CA6: variants seen among roughly 807,000 people sequenced by gnomAD.
The protein encoded by CA6 is carbonic anhydrase 6, also known as carbonate dehydratase VI.
Under a neutral mutation model 35.9 loss-of-function variants are expected in CA6, and 28 were observed. The observed-to-expected ratio is 0.78, with a 90% confidence interval of 0.58 to 1.07. CA6 has a LOEUF of 1.07. CA6 is among the 50% of genes least tolerant of loss of function. The pLI is 0.00. For synonymous variants in CA6, 148 were observed against 152.6 expected, an observed-to-expected ratio of 0.97 and a Z score of 0.22; for missense variants, 377 against 382.0, an observed-to-expected ratio of 0.99 and a Z score of 0.11.
At chr1:8,946,285 A>T (rs1639361944) in intron 1 of CA6, among the ~76,000 whole-genome samples, 1 of 151,990 alleles carries the variant, frequency 6.6e-6, no homozygotes, top group Non-Finnish European at 1.5e-5. Context: ...TGATCTGCCC[A>T]TCTCCCAAAG....
At chr1:8,965,289 T>C (rs547231920) in intron 5 of CA6, among the ~76,000 whole-genome samples, 7 of 152,232 alleles carry the variant, frequency 4.6e-5, no homozygotes, top group Middle Eastern at 3.4e-3. Context: ...CCATTTTAAA[T>C]GTACAGTTCA....
In CA6 at chr1:8,963,235, C is replaced by T. The variant is rs1017102534; in HGVS notation, c.571+579C>T. 6.6e-6 allele frequency among the ~76,000 whole-genome samples: 1 copy of T among 152,180 alleles called. No individual in the cohort carries two copies. Among genetic ancestry groups the T allele is most frequent in the African/African-American group, 2.4e-5 (1 of 41,432 alleles). On this transcript the variant is annotated intron_variant, in intron 5 of 7. Coordinates refer to ENST00000377443, the MANE Select transcript of CA6 (RefSeq NM_001215.4). This position sits in a 1 kb window ranked among gnomAD's most constrained non-coding sequence, Gnocchi z 4.1. ...GCCTCCCAGTCCTCTGACTTCAGCA[C>T]CCAGCCCCTCCTGCAATTCACCTGA...
Position 8,974,360 on chromosome 1 carries a change from G to C in CA6, c.845-262G>C, listed in dbSNP as rs769496436. The C allele has an allele frequency of 7.2e-6, 11 of 1,524,376 alleles. No individual in the cohort carries two copies. The East Asian group carries it at 1.7e-4, about 24-fold the overall frequency. The allele number at this position is 1,524,376 out of a possible 1,614,324, so 94.4% of individuals were successfully genotyped here. On this transcript the variant is annotated intron_variant, in intron 7 of 7. Coordinates refer to ENST00000377443, the MANE Select transcript of CA6 (RefSeq NM_001215.4). ...ATATCCCCTCAGGCAAGGGCCACGGGGGGCATCGTGGGAGAAGCCAAAATC... is the reference window on the plus strand; with the variant it reads ...ATATCCCCTCAGGCAAGGGCCACGGCGGGCATCGTGGGAGAAGCCAAAATC...
chr1:8,974,311 C>A lies in CA6; in HGVS notation c.845-311C>A, dbSNP rs184177635. On this transcript the variant is annotated intron_variant, in intron 7 of 7. Coordinates refer to ENST00000377443, the MANE Select transcript of CA6 (RefSeq NM_001215.4). ...ACGATGGCCAAATACGGACCTCTTG[C>A]GATTTATTTACTAGAAAACGCCTAT... 2.2e-6 allele frequency: 3 copies of A among 1,340,806 alleles called. No homozygotes were observed. The East Asian group carries it at 7.9e-5, about 35-fold the overall frequency. The allele number at this position is 1,340,806 out of a possible 1,614,324, so 83.1% of individuals were successfully genotyped here.
At chr1:8,965,008 C>T (rs1374102129) in intron 5 of CA6, among the ~76,000 whole-genome samples, 2 of 152,060 alleles carry the variant, frequency 1.3e-5, no homozygotes, top group African/African-American at 2.4e-5. Context: ...CTTTGGGAGG[C>T]GGAGGCGGGC....
intron 2 of CA6, among the ~76,000 whole-genome samples, chr1:8,953,473 G>A (rs1036575885): frequency 6.6e-6 from 1 of 152,120 alleles, no homozygotes; most frequent in African/African-American, 2.4e-5. Context: ...AAAAAAATTA[G>A]CCTGGCATGG....
intron 2 of CA6, among the ~76,000 whole-genome samples, chr1:8,953,741 G>A (rs142003516): frequency 0.013 from 1,907 of 152,296 alleles, 18 homozygotes; most frequent in Middle Eastern, 0.061. Context: ...TGTCAGAGGC[G>A]TTTGAACCAG....
chr1:8,960,560 A>G lies in CA6; in HGVS notation c.501+1558A>G, dbSNP rs563350102. Among the ~76,000 whole-genome samples the G allele has an allele frequency of 4.6e-5, 7 of 152,262 alleles. No individual in the cohort carries two copies. In the South Asian group the frequency reaches 6.2e-4, roughly 14 times the overall value. ...TGGAAAGTCTAGAGTTGAAAAGTAC[A>G]ATAAACAAAATGGAAAAAGAATCAC... On this transcript the variant is annotated intron_variant, in intron 4 of 7. Coordinates refer to ENST00000377443, the MANE Select transcript of CA6 (RefSeq NM_001215.4).
Position 8,965,465 on chromosome 1 carries a change from T to C in CA6, c.572-2194T>C, listed in dbSNP as rs139249702. ...GTTTCTGTCTCTAAGAATTTGACTA[T>C]TCTAGGTACCTCATATAAGTAGAAT... On this transcript the variant is annotated intron_variant, in intron 5 of 7. Transcript: ENST00000377443. Among the ~76,000 whole-genome samples the C allele has an allele frequency of 9.3e-3, 1,422 of 152,306 alleles. 21 individuals are homozygous for C. Among genetic ancestry groups the C allele is most frequent in the African/African-American group, 0.032 (1,335 of 41,556 alleles).
At chr1:8,946,714 C>A (rs1412404577) in intron 1 of CA6, among the ~76,000 whole-genome samples, 1 of 151,558 alleles carries the variant, frequency 6.6e-6, no homozygotes, top group Non-Finnish European at 1.5e-5. Context: ...TTGGAAATTT[C>A]ATGGTAGGCA....
rs777077226 is a variant in CA6, at chr1:8,960,459, T to C, written c.501+1457T>C. ...ATGAAAGGAAACTATGTTCAAAGAA[T>C]TGAAGGAAAATATGATGACAATGAC... On this transcript the variant is annotated intron_variant, in intron 4 of 7. Coordinates refer to ENST00000377443, the MANE Select transcript of CA6 (RefSeq NM_001215.4). Among the ~76,000 whole-genome samples the C allele has an allele frequency of 2.4e-4, 36 of 147,592 alleles. 1 individual carries two copies. In the South Asian group the frequency reaches 2.6e-3, roughly 11 times the overall value.
intron 7 of CA6, among the ~76,000 whole-genome samples, chr1:8,973,240 G>A (rs1640154227): frequency 6.6e-6 from 1 of 152,154 alleles, no homozygotes; most frequent in African/African-American, 2.4e-5. Context: ...GGCTGGTCTT[G>A]AACTCCTGAC....
intron 4 of CA6, among the ~76,000 whole-genome samples, chr1:8,961,413 A>G (rs1266726960): frequency 6.6e-6 from 1 of 152,220 alleles, no homozygotes; most frequent in Non-Finnish European, 1.5e-5. Flanking sequence ...ATATGACAAA[A>G]ATAGAAGGAT....
intron 3 of CA6, among the ~76,000 whole-genome samples, chr1:8,957,835 A>G (rs1639731733): frequency 6.6e-6 from 1 of 151,186 alleles, no homozygotes; most frequent in Non-Finnish European, 1.5e-5. Context: ...GTACACGCCT[A>G]TAGTTCCAGC....
chr1:8,955,323 C>G (rs1383375850), intron 2 of CA6, among the ~76,000 whole-genome samples: 2 of 152,092 alleles, frequency 1.3e-5, no homozygotes, highest in African/African-American at 4.8e-5. Flanking sequence ...CTGCAGTGAG[C>G]TGAGGTCATG....
chr1:8,952,382 C>T (rs1639563066), intron 2 of CA6: 1 of 152,060 alleles, frequency 6.6e-6, no homozygotes, highest in South Asian at 2.1e-4. Context: ...AGTGATCCGC[C>T]CACCTTGGCC....
In CA6 at chr1:8,963,243, C is replaced by T. The variant is rs143233708; in HGVS notation, c.571+587C>T. ...GTCCTCTGACTTCAGCACCCAGCCC[C>T]TCCTGCAATTCACCTGACCGGAGTC... On this transcript the variant is annotated intron_variant, in intron 5 of 7. Transcript: ENST00000377443. The surrounding 1 kb of genome is among the most constrained non-coding windows in gnomAD (Gnocchi z 4.1). Among the ~76,000 whole-genome samples, 18 of 152,294 alleles carry T rather than the reference C, an allele frequency of 1.2e-4. No individual in the cohort carries two copies. The East Asian group carries it at 3.3e-3, about 28-fold the overall frequency.
In CA6 at chr1:8,969,614, T is replaced by C. The variant is rs757064233; in HGVS notation, c.730-1253T>C. 2.0e-5 allele frequency among the ~76,000 whole-genome samples: 3 copies of C among 152,126 alleles called. No individual in the cohort carries two copies. The South Asian group carries it at 6.2e-4, about 31-fold the overall frequency. On this transcript the variant is annotated intron_variant, in intron 6 of 7. Transcript: ENST00000377443. ...TCATATATTCAAGAATGCCAATTAG[T>C]TTCTCTCTCTGTCTCTCTCTCTCTC...
rs564903281 is a variant in CA6 at position 8,966,048 on chromosome 1, C to T, written c.572-1611C>T. Among the ~76,000 whole-genome samples the T allele has an allele frequency of 2.6e-5, 4 of 152,262 alleles. No individual in the cohort carries two copies. In the South Asian group the frequency reaches 8.3e-4, roughly 32 times the overall value. On this transcript the variant is annotated intron_variant, in intron 5 of 7. Coordinates refer to ENST00000377443, the MANE Select transcript of CA6 (RefSeq NM_001215.4). ...GTACAAGTATCTCTTTGAGTCCCTG[C>T]TTTCATTTCTTTTGGGTAGATAGGA... is the stretch of plus-strand genomic sequence containing the variant.
Sources: allele counts gnomAD v4.1 joint callset (sites outside exome capture counted in the v4.1 genomes callset), GRCh38; gene constraint gnomAD v4.1.1; non-coding constraint Gnocchi (gnomAD v3.1); transcripts MANE v1.5; gene names NCBI Gene and HGNC (gene_info 2026-07-23, HGNC 2026-07-21).